Variants in LMOD3 observed in about 807,000 individuals in gnomAD.
LMOD3 encodes leiomodin 3.
In LMOD3, 31 loss-of-function variants were observed where a neutral mutation model predicts 41.8. The observed-to-expected ratio is 0.74, with a 90% CI of 0.56 to 1.00. The LOEUF is 1.00. Among genes scored for constraint, LMOD3 ranks in the 50% least tolerant of loss-of-function variants. The probability of loss-of-function intolerance (pLI) is 0.00; values close to 1 mark genes in which losing one functional copy is unlikely to be tolerated. For missense variants in LMOD3, 755 were observed against 679.5 expected (o/e 1.11, Z -1.23); for synonymous variants, 292 against 241.9 (o/e 1.21, Z -1.92).
At chr3:69,112,071 T>C (rs2107521817) in intron 2 of LMOD3, among the ~76,000 whole-genome samples, 1 of 152,306 alleles carries the variant, frequency 6.6e-6, no homozygotes, top group Non-Finnish European at 1.5e-5. Flanking sequence ...AAGGTAGAAA[T>C]CATAAAAATA....
rs757259401 is a variant in LMOD3 at position 69,119,994 on chromosome 3, C to CT, written c.360dup (p.Glu121ArgfsTer5). ...GCAACTATTTCATTATTGAGCTTTT[C>CT]TTTTAAATACTGGGCCATATTTTTA... On this transcript the variant is annotated frameshift_variant, in exon 2 of 3. Transcript: ENST00000420581. LOFTEE classifies it high-confidence loss of function. 1 of 1,606,240 alleles carries CT rather than the reference C, an allele frequency of 6.2e-7. No individual in the cohort carries two copies.
rs2092335156 is a variant in LMOD3 at position 69,108,887 on chromosome 3, AT to A, written c.*207del. ...GTAGAAAATATTGCCTCTAAATATT[AT>A]ATTTTATCTCCTTCCACCTTCCTCT... On this transcript the variant is annotated 3_prime_UTR_variant, in exon 3 of 3. Transcript: ENST00000420581. The A allele has an allele frequency of 4.7e-6, 2 of 427,060 alleles. No homozygotes were observed. Among genetic ancestry groups the A allele is most frequent in the African/African-American group, 4.1e-5 (2 of 49,180 alleles). The allele number at this position is 427,060 out of a possible 1,614,324, so 26.5% of individuals were successfully genotyped here. A position where few individuals can be genotyped will look rare whatever the true frequency, so the allele number is the denominator to read the frequency against.
chr3:69,109,564 A>C (rs938381446), intron 2 of LMOD3, among the ~76,000 whole-genome samples: 1 of 116,512 alleles, frequency 8.6e-6, no homozygotes, highest in Non-Finnish European at 1.6e-5. Context: ...GTCTCAGTCT[A>C]TCTTCCAGGC....
At chr3:69,109,702 T>C (rs1041038176) in intron 2 of LMOD3, among the ~76,000 whole-genome samples, 3 of 151,996 alleles carry the variant, frequency 2.0e-5, no homozygotes. Flanking sequence ...CTAATTTTTG[T>C]ATTTTTAGTA....
At chr3:69,116,125 T>C (rs1483754043) in intron 2 of LMOD3, among the ~76,000 whole-genome samples, 2 of 152,252 alleles carry the variant, frequency 1.3e-5, no homozygotes, top group African/African-American at 2.4e-5. Flanking sequence ...TAAAAGATTA[T>C]ACTATGTTTT....
chr3:69,116,705 C>T (rs1033396070), intron 2 of LMOD3, among the ~76,000 whole-genome samples: 3 of 152,264 alleles, frequency 2.0e-5, no homozygotes, highest in East Asian at 3.9e-4. Flanking sequence ...GCTCTGTGTG[C>T]GGTCGAGACT....
intron 2 of LMOD3, among the ~76,000 whole-genome samples, chr3:69,112,837 A>T (rs56280964): frequency 6.6e-6 from 1 of 152,210 alleles, no homozygotes; most frequent in East Asian, 1.9e-4. Flanking sequence ...ATCTGTATTT[A>T]GCCCTTTAGG....
intron 2 of LMOD3, among the ~76,000 whole-genome samples, chr3:69,115,082 A>T (rs560140431): frequency 1.1e-3 from 175 of 152,254 alleles, no homozygotes; most frequent in African/African-American, 3.5e-3. Flanking sequence ...TTTGTTGCTC[A>T]TGTTGGTCTT....
intron 2 of LMOD3, among the ~76,000 whole-genome samples, chr3:69,114,724 C>T (rs997667685): frequency 6.6e-6 from 1 of 152,156 alleles, no homozygotes; most frequent in African/African-American, 2.4e-5. Context: ...CCAGGTTGGT[C>T]TCAAACTCCT....
At position 69,119,153 on chromosome 3, in the gene LMOD3, C is replaced by A; in HGVS notation, c.1202G>T (p.Arg401Leu). ...TTGCTGCTGTTTTTGCTCTTCCTGTCGTTTCTGCCTTTGTTTATCCTGATT... is the reference window on the plus strand; with the variant it reads ...TTGCTGCTGTTTTTGCTCTTCCTGTAGTTTCTGCCTTTGTTTATCCTGATT... The part of the protein sequence containing the change: ...TRNQDKQRQK[R>L]QEEQKQQQLK... The change falls in exon 2 of 3, where the codon CGA (arginine) becomes CTA (leucine). Residue 401 changes from arginine to leucine, a missense_variant. Transcript: ENST00000420581. 1 of 1,613,806 alleles carries A rather than the reference C, an allele frequency of 6.2e-7. No homozygotes were observed. Among genetic ancestry groups the A allele is most frequent in the Non-Finnish European group, 8.5e-7 (1 of 1,179,856 alleles).
chr3:69,115,483 A>AC (rs2092367603), intron 2 of LMOD3, among the ~76,000 whole-genome samples: 2 of 145,024 alleles, frequency 1.4e-5, no homozygotes, highest in East Asian at 4.1e-4. Context: ...TCCTGCCTCA[A>AC]ACACACACAC....
chr3:69,109,818 C>T (rs941702239), intron 2 of LMOD3, among the ~76,000 whole-genome samples: 3 of 151,946 alleles, frequency 2.0e-5, no homozygotes, highest in South Asian at 2.1e-4. Flanking sequence ...CATGAGCACC[C>T]GGCCTAACAC....
Position 69,119,024 on chromosome 3 carries a change from T to G in LMOD3, c.1331A>C (p.Gln444Pro), listed in dbSNP as rs1482833010. 6.2e-7 allele frequency: 1 copy of G among 1,613,698 alleles called. No homozygotes were observed. ...AGGTGGCGGTGGCTGGAAGAATTCC[T>G]GCATTCTGGAATCTGGCTTGGGTCC... The part of the protein sequence containing the change: ...LGGPKPDSRM[Q>P]EFFQPPPPRP... Residue 444 changes from glutamine to proline, a missense_variant, in exon 2 of 3, where the codon CAG becomes CCG. By Grantham distance (76) the Gln-to-Pro change is moderately conservative. Coordinates refer to ENST00000420581, the MANE Select transcript of LMOD3 (RefSeq NM_198271.5).
intron 2 of LMOD3, among the ~76,000 whole-genome samples, chr3:69,114,524 T>C (rs554313082): frequency 8.5e-5 from 13 of 152,344 alleles, no homozygotes; most frequent in African/African-American, 2.4e-4. Context: ...TTTAAAATTT[T>C]TGAGACAGAA....
chr3:69,119,527 A>G lies in LMOD3; in HGVS notation c.828T>C (p.Asn276=). 1.9e-6 allele frequency: 3 copies of G among 1,613,912 alleles called. No homozygotes were observed. Among genetic ancestry groups the G allele is most frequent in the Non-Finnish European group, 2.5e-6 (3 of 1,179,888 alleles). ...IPKEMLLDFV[N]AMKKNKHIKT... The stretch of plus-strand genomic sequence containing the variant: ...TGATGTGCTTGTTTTTCTTCATTGC[A>G]TTGACAAAGTCCAGTAACATTTCTT... The change falls in exon 2 of 3, where the codon AAT becomes AAC. Residue 276 remains asparagine, a synonymous_variant. Coordinates refer to ENST00000420581, the MANE Select transcript of LMOD3 (RefSeq NM_198271.5).
chr3:69,109,319 A>G (rs1025220826), intron 2 of LMOD3, among the ~76,000 whole-genome samples, 198 bp from the exon 3 acceptor site: 1 of 152,038 alleles, frequency 6.6e-6, no homozygotes, highest in African/African-American at 2.4e-5. Flanking sequence ...AATGCCAGGG[A>G]CTGTTCCAAG....
chr3:69,119,074 G>C lies in LMOD3; in HGVS notation c.1281C>G (p.Pro427=), dbSNP rs1575879433. 2 of 1,613,770 alleles carry C rather than the reference G, an allele frequency of 1.2e-6. No individual in the cohort carries two copies. The highest frequency in any genetic ancestry group is 1.7e-6 in the Non-Finnish European group (2 of 1,179,858). The change falls in exon 2 of 3, where the codon CCC becomes CCG. Residue 427 remains proline (P), a synonymous_variant. Coordinates refer to ENST00000420581, the MANE Select transcript of LMOD3 (RefSeq NM_198271.5). ...IAMLENGLGL[P]PGMWELLGGP... ...CTCCCAACAGCTCCCACATCCCAGGGGGCAGCCCCAACCCATTCTCTAACA... is the reference window on the plus strand; with the variant it reads ...CTCCCAACAGCTCCCACATCCCAGGCGGCAGCCCCAACCCATTCTCTAACA...
intron 2 of LMOD3, among the ~76,000 whole-genome samples, chr3:69,110,778 G>A (rs1365490014): frequency 7.0e-6 from 1 of 142,658 alleles, no homozygotes; most frequent in Non-Finnish European, 1.5e-5. Flanking sequence ...GGGAGGCAGA[G>A]GTTGCCTTGA....
At chr3:69,121,270 CAT>C (rs898885157) in intron 1 of LMOD3, among the ~76,000 whole-genome samples, 9 of 152,326 alleles carry the variant, frequency 5.9e-5, no homozygotes, top group African/African-American at 2.2e-4. Flanking sequence ...AATCTTAGCA[CAT>C]GTTTAAACTC....
Sources: gnomAD v4.1 joint callset for allele counts (sites outside exome capture counted in the v4.1 genomes callset) on GRCh38, gnomAD v4.1.1 for gene constraint, MANE v1.5 for transcripts, NCBI Gene and HGNC (gene_info 2026-07-23, HGNC 2026-07-21) for gene names.